The following RGS6 variants were observed in gnomAD, a reference collection of about 807,000 sequenced individuals.
RGS6 encodes the protein regulator of G protein signaling 6, also known as regulator of G-protein signaling 6.
A neutral mutation model predicts 78.5 loss-of-function variants in RGS6; 30 were observed. The ratio of observed to expected loss-of-function variants is 0.38; its 90% CI spans 0.29 to 0.52. RGS6 has a LOEUF of 0.52. Ranked by LOEUF, RGS6 falls within the 20% of genes least tolerant of loss-of-function variation. RGS6 has a pLI of 0.85. For missense variants in RGS6, 495 were observed against 609.7 expected (o/e 0.81, Z 1.98); for synonymous variants, 206 against 206.0 (o/e 1.00, Z 0.00).
intron 3 of RGS6, among the ~76,000 whole-genome samples, chr14:72,413,090 G>A (rs966637874): frequency 3.3e-5 from 5 of 152,204 alleles, no homozygotes; most frequent in African/African-American, 1.2e-4. Context: ...AGGTCCGCTT[G>A]GTGCAGACCT....
intron 3 of RGS6, among the ~76,000 whole-genome samples, chr14:72,425,936 G>A (rs1181751949): frequency 6.6e-6 from 1 of 152,172 alleles, no homozygotes; most frequent in African/African-American, 2.4e-5. Flanking sequence ...AATGAAGAAG[G>A]TAGGGAAAAG....
At chr14:72,349,655 C>T (rs1268320679) in intron 2 of RGS6, among the ~76,000 whole-genome samples, 1 of 152,122 alleles carries the variant, frequency 6.6e-6, no homozygotes, top group Non-Finnish European at 1.5e-5. Flanking sequence ...TGATGTACCT[C>T]TTAGTAAATT....
At chr14:72,267,186 A>G (rs1045710887) in intron 2 of RGS6, among the ~76,000 whole-genome samples, 3 of 152,138 alleles carry the variant, frequency 2.0e-5, no homozygotes, top group Non-Finnish European at 2.9e-5. Flanking sequence ...CCTGACCTCA[A>G]GTGATCCGCC....
At chr14:72,165,801 T>G (rs2096917066) in intron 2 of RGS6, among the ~76,000 whole-genome samples, 1 of 152,146 alleles carries the variant, frequency 6.6e-6, no homozygotes, top group Non-Finnish European at 1.5e-5. Context: ...TCTCCAGAAC[T>G]CTGTAATCCA....
chr14:72,201,800 TA>T (rs2041645073), intron 2 of RGS6, among the ~76,000 whole-genome samples: 1 of 152,174 alleles, frequency 6.6e-6, no homozygotes, highest in African/African-American at 2.4e-5. Flanking sequence ...CTCATTTACA[TA>T]ATGTCTATCA....
intron 2 of RGS6, among the ~76,000 whole-genome samples, chr14:72,095,303 C>T (rs1443956276): frequency 6.6e-6 from 1 of 152,108 alleles, no homozygotes; most frequent in African/African-American, 2.4e-5. Flanking sequence ...TTCTTTTTCT[C>T]ACATGACACA....
chr14:71,897,798 C>T, the RGS6 span, among the ~76,000 whole-genome samples: 8 of 152,138 alleles, frequency 5.3e-5, no homozygotes, highest in South Asian at 2.1e-4. Flanking sequence ...GGATTACAGG[C>T]GTGAGCCACC....
At chr14:72,161,442 G>A (rs762526017) in intron 2 of RGS6, among the ~76,000 whole-genome samples, 8 of 152,110 alleles carry the variant, frequency 5.3e-5, no homozygotes, top group South Asian at 2.1e-4. Context: ...TTTTGCTTGC[G>A]TTGAGGAAAT....
At chr14:72,109,563 G>A (rs539369665) in intron 2 of RGS6, among the ~76,000 whole-genome samples, 1 of 152,304 alleles carries the variant, frequency 6.6e-6, no homozygotes, top group African/African-American at 2.4e-5. Flanking sequence ...AAAATGCAAT[G>A]CAGAGATGCA....
chr14:72,598,090 G>A, the RGS6 span, among the ~76,000 whole-genome samples: 1 of 152,232 alleles, frequency 6.6e-6, no homozygotes, highest in East Asian at 1.9e-4. Context: ...GAGCTGGAAG[G>A]GACCGGCAAC....
chr14:72,531,249 A>G (rs1021874200), intron 15 of RGS6, among the ~76,000 whole-genome samples: 1 of 152,108 alleles, frequency 6.6e-6, no homozygotes, highest in Admixed American at 6.5e-5. Context: ...CCTGGCCAAC[A>G]TGGGGAAACC....
chr14:71,884,266 G>A, the RGS6 span, among the ~76,000 whole-genome samples: 1 of 152,218 alleles, frequency 6.6e-6, no homozygotes, highest in Non-Finnish European at 1.5e-5. Flanking sequence ...ATGATAGAAT[G>A]TGGGCAAAGG....
chr14:72,117,680 G>T (rs1268329141), intron 2 of RGS6, among the ~76,000 whole-genome samples: 3 of 152,224 alleles, frequency 2.0e-5, no homozygotes, highest in African/African-American at 7.2e-5. Flanking sequence ...TTGTGCATGG[G>T]TCATGGTGCA....
At chr14:72,022,280 C>G (rs2088799857) in intron 2 of RGS6, 2 of 152,208 alleles carry the variant, frequency 1.3e-5, no homozygotes, top group Admixed American at 1.3e-4. Flanking sequence ...TTCTATTCCT[C>G]TGGCTGTATA....
At chr14:72,003,774 A>T (rs1234336314) in intron 2 of RGS6, among the ~76,000 whole-genome samples, 1 of 152,088 alleles carries the variant, frequency 6.6e-6, no homozygotes, top group Admixed American at 6.6e-5. Flanking sequence ...TTGTCATTGG[A>T]AGGCCTCACC....
chr14:72,305,458 A>G (rs1334200476), intron 2 of RGS6, among the ~76,000 whole-genome samples: 1 of 152,174 alleles, frequency 6.6e-6, no homozygotes, highest in Non-Finnish European at 1.5e-5. Flanking sequence ...CATTTTCCCA[A>G]AAGCATGTGT....
At chr14:72,589,901 C>A in the RGS6 span, among the ~76,000 whole-genome samples, 2,217 of 152,036 alleles carry the variant, frequency 0.015, 56 homozygotes, top group East Asian at 0.062. Flanking sequence ...CAAAGGGACT[C>A]TCTGACTGAA....
At chr14:72,473,401 A>G (rs902563431) in intron 9 of RGS6, among the ~76,000 whole-genome samples, 4 of 152,132 alleles carry the variant, frequency 2.6e-5, no homozygotes, top group African/African-American at 7.2e-5. Flanking sequence ...CCGAGAGCGC[A>G]CCACTGCACT....
At chr14:72,600,795 A>T in the RGS6 span, among the ~76,000 whole-genome samples, 1 of 152,094 alleles carries the variant, frequency 6.6e-6, no homozygotes, top group Non-Finnish European at 1.5e-5. Context: ...CCAAGCGGCC[A>T]CCAGCACTGG....
Sources: gnomAD v4.1 joint callset for allele counts (sites outside exome capture counted in the v4.1 genomes callset) on GRCh38, gnomAD v4.1.1 for gene constraint, MANE v1.5 for transcripts, NCBI Gene and HGNC (gene_info 2026-07-23, HGNC 2026-07-21) for gene names.